Variants in WBP2NL observed in about 807,000 individuals in gnomAD.
WBP2NL encodes the protein postacrosomal sheath WW domain-binding protein.
A neutral mutation model predicts 23.3 loss-of-function variants in WBP2NL; 27 were observed. The observed-to-expected ratio is 1.16, with a 90% CI of 0.85 to 1.60. The LOEUF is 1.60. Among genes scored for constraint, WBP2NL ranks in the 40% most tolerant of loss-of-function variants. The pLI, the probability that WBP2NL is intolerant of heterozygous loss-of-function variation, is 0.00. For missense variants in WBP2NL, 370 were observed against 389.5 expected, an observed-to-expected ratio of 0.95 and a Z score of 0.42; for synonymous variants, 151 against 145.9, an observed-to-expected ratio of 1.03 and a Z score of -0.25.
chr22:42,015,612 A>G (rs1923236739), intron 1 of WBP2NL, among the ~76,000 whole-genome samples: 1 of 152,146 alleles, frequency 6.6e-6, no homozygotes, highest in African/African-American at 2.4e-5. Context: ...CATGTTGGCC[A>G]GGCTGGTCTT....
chr22:42,008,853 A>G (rs937215801), intron 1 of WBP2NL, among the ~76,000 whole-genome samples: 3 of 152,000 alleles, frequency 2.0e-5, no homozygotes, highest in Non-Finnish European at 4.4e-5. Flanking sequence ...ATCTTGGCTG[A>G]CTGCAAGCTC....
intron 8 of WBP2NL, among the ~76,000 whole-genome samples, chr22:42,047,582 C>G (rs1210920694): frequency 6.7e-6 from 1 of 148,270 alleles, no homozygotes; most frequent in African/African-American, 2.5e-5. Context: ...TCAAAAACAA[C>G]AACAAAAAAC....
intron 4 of WBP2NL, among the ~76,000 whole-genome samples, chr22:42,020,983 A>G (rs133339): frequency 0.49 from 62,319 of 128,388 alleles, 15,519 homozygotes; most frequent in East Asian, 0.86. Context: ...GCAATCATGC[A>G]ATCTTGGCTC....
chr22:42,011,977 A>G (rs899030013), intron 1 of WBP2NL, among the ~76,000 whole-genome samples: 1 of 152,090 alleles, frequency 6.6e-6, no homozygotes, highest in African/African-American at 2.4e-5. Flanking sequence ...GGGTTTCGCC[A>G]TGTTGGCCAG....
At chr22:42,033,901 C>A (rs1925083917), downstream of WBP2NL, among the ~76,000 whole-genome samples, 2 of 152,240 alleles carry the variant, frequency 1.3e-5, no homozygotes, top group Admixed American at 1.3e-4. Flanking sequence ...CAAGTTCTCA[C>A]TCCAGTCCAT....
chr22:42,043,984 C>T (rs1037977083), intron 8 of WBP2NL, among the ~76,000 whole-genome samples: 1 of 152,210 alleles, frequency 6.6e-6, no homozygotes, highest in Admixed American at 6.5e-5. Context: ...ACCTTGGCCT[C>T]CCAAAGTTCT....
intron 1 of WBP2NL, among the ~76,000 whole-genome samples, chr22:42,004,743 A>G (rs1430763913): frequency 6.6e-6 from 1 of 151,552 alleles, no homozygotes; most frequent in Non-Finnish European, 1.5e-5. Flanking sequence ...GGCCAACATG[A>G]GGAAACCCCA....
rs1158837575 is a variant in WBP2NL, at chr22:42,049,705, C to CA, written c.*274-8559dup. Among the ~76,000 whole-genome samples, 210 of 37,450 alleles carry CA rather than the reference C, an allele frequency of 5.6e-3. 3 individuals carry two copies. The highest frequency in any genetic ancestry group is 0.025 in the Middle Eastern group (1 of 40). The allele number at this position is 37,450 out of a possible 152,430, so 24.6% of individuals were successfully genotyped here. On this transcript the variant is annotated intron_variant and NMD_transcript_variant, in intron 8 of 8. Transcript: ENST00000436265. The stretch of plus-strand genomic sequence containing the variant: ...ACTCCGTCTCCAAAACAAAACAAAA[C>CA]AAAAAAAAAAAAAAAAAAAAAAAAA...
intron 8 of WBP2NL, among the ~76,000 whole-genome samples, chr22:42,056,755 C>T (rs561577020): frequency 1.3e-5 from 2 of 151,982 alleles, no homozygotes; most frequent in Non-Finnish European, 1.5e-5. Flanking sequence ...TTATGGAGTA[C>T]ATGAGATGTT....
At chr22:42,036,217 C>T (rs1158504382), downstream of WBP2NL, among the ~76,000 whole-genome samples, 1 of 152,062 alleles carries the variant, frequency 6.6e-6, no homozygotes, top group Non-Finnish European at 1.5e-5. Context: ...CTCTGTCGCC[C>T]AGGTTGGAGT....
At chr22:42,020,868 GTATATATATA>G (rs1335645142) in intron 4 of WBP2NL, among the ~76,000 whole-genome samples, 26 of 15,232 alleles carry the variant, frequency 1.7e-3, no homozygotes, top group South Asian at 0.016. Context: ...GTGTGTGTGT[GTATATATATA>G]TATATATATA....
chr22:42,032,635 C>T (rs1032160177), downstream of WBP2NL: 7 of 376,402 alleles, frequency 1.9e-5, no homozygotes, highest in Non-Finnish European at 3.8e-5. Flanking sequence ...ACACAGATTA[C>T]CTCATTGTCA....
intron 1 of WBP2NL, among the ~76,000 whole-genome samples, chr22:42,017,994 AC>A (rs1923472691): frequency 6.6e-6 from 1 of 152,058 alleles, no homozygotes; most frequent in African/African-American, 2.4e-5. Flanking sequence ...ACCAAAAAAT[AC>A]AAAAATTAGC....
chr22:42,049,695 C>CAAAA lies in WBP2NL; in HGVS notation c.*274-8594_*274-8591dup, dbSNP rs1569455101. Among the ~76,000 whole-genome samples the CAAAA allele has an allele frequency of 2.8e-3, 65 of 22,830 alleles. 5 individuals carry two copies. The highest frequency in any genetic ancestry group is 7.5e-3 in the African/African-American group (34 of 4,550). 15.0% of individuals were successfully genotyped at this position (22,830 alleles called of 152,430 possible). On this transcript the variant is annotated intron_variant and NMD_transcript_variant, in intron 8 of 8. Transcript: ENST00000436265. ...ACAGAGCGAGACTCCGTCTCCAAAA[C>CAAAA]AAAACAAAACAAAAAAAAAAAAAAA...
intron 1 of WBP2NL, chr22:42,001,517 T>G: frequency 9.9e-7 from 1 of 1,007,172 alleles, no homozygotes; most frequent in Non-Finnish European, 1.6e-6. Flanking sequence ...CAATTCCCTT[T>G]CAGCTCCAGC....
chr22:42,043,426 A>G (rs1450362375), intron 8 of WBP2NL, among the ~76,000 whole-genome samples: 2 of 152,170 alleles, frequency 1.3e-5, no homozygotes, highest in Admixed American at 6.5e-5. Flanking sequence ...CTGCTGGCAC[A>G]TGTGTGATGG....
At chr22:42,038,496 G>A (rs1003170728) in intron 8 of WBP2NL, among the ~76,000 whole-genome samples, 4 of 152,178 alleles carry the variant, frequency 2.6e-5, no homozygotes, top group African/African-American at 9.7e-5. Context: ...GAGTTTGGGA[G>A]TGCATTCTCT....
intron 1 of WBP2NL, among the ~76,000 whole-genome samples, chr22:42,000,549 A>G (rs781065335): frequency 1.3e-5 from 2 of 152,206 alleles, no homozygotes; most frequent in Admixed American, 1.3e-4. Context: ...CTTTAAGAGA[A>G]AACTGGTCAG....
Position 42,040,948 on chromosome 22 carries a change from G to T in WBP2NL, c.*273+10125G>T, listed in dbSNP as rs190350906. ...GTGTATAGTGTTATTCAAATCAGTT[G>T]TTTTTTTATTGGTTGTCTGCCTGAA... On this transcript the variant is annotated intron_variant and NMD_transcript_variant, in intron 8 of 8. Coordinates refer to the WBP2NL transcript ENST00000436265. 2.4e-3 allele frequency among the ~76,000 whole-genome samples: 363 copies of T among 152,198 alleles called. 2 individuals carry two copies. Among genetic ancestry groups the T allele is most frequent in the African/African-American group, 8.2e-3 (340 of 41,544 alleles).
Sources: gnomAD v4.1 joint callset for allele counts (sites outside exome capture counted in the v4.1 genomes callset) on GRCh38, gnomAD v4.1.1 for gene constraint, MANE v1.5 for transcripts, NCBI Gene and HGNC (gene_info 2026-07-23, HGNC 2026-07-21) for gene names.